The following ZNF407 variants were observed in gnomAD, a reference collection of about 807,000 sequenced individuals.
ZNF407 encodes zinc finger protein 407.
ZNF407 carries 17 observed loss-of-function variants against 131.2 expected under a neutral mutation model. The observed-to-expected ratio is 0.13, with a 90% CI of 0.09 to 0.19. The LOEUF (loss-of-function observed/expected upper bound fraction) is 0.19, where lower values mean the gene tolerates loss of function less well. Ranked by LOEUF, ZNF407 falls within the 10% of genes least tolerant of loss-of-function variation. The pLI is 1.00. For missense variants in ZNF407, 2,681 were observed against 2,830.6 expected, an observed-to-expected ratio of 0.95 and a Z score of 1.20; for synonymous variants, 1,156 against 1,062.0, an observed-to-expected ratio of 1.09 and a Z score of -1.72.
chr18:74,640,983 C>T (rs756659505), intron 2 of ZNF407, 25 bp from the exon 3 acceptor site: 2 of 1,538,214 alleles, frequency 1.3e-6, no homozygotes, highest in East Asian at 2.2e-5. Context: ...AAAATCAAAT[C>T]ATATTTTATG....
intron 8 of ZNF407, among the ~76,000 whole-genome samples, chr18:74,949,115 G>T (rs1972185801): frequency 6.6e-6 from 1 of 152,206 alleles, no homozygotes; most frequent in African/African-American, 2.4e-5. Context: ...AAGAAAATTT[G>T]AGATAGTACA....
At chr18:74,844,533 A>G (rs752628547) in intron 4 of ZNF407, among the ~76,000 whole-genome samples, 15 of 152,330 alleles carry the variant, frequency 9.8e-5, no homozygotes, top group Non-Finnish European at 1.6e-4. Context: ...TTTAAATAGT[A>G]AGTTAAATTA....
intron 8 of ZNF407, among the ~76,000 whole-genome samples, chr18:74,958,586 G>A (rs1046202087): frequency 3.3e-5 from 5 of 152,202 alleles, no homozygotes; most frequent in Non-Finnish European, 5.9e-5. Flanking sequence ...TGGGTTTGAC[G>A]AGGAGTCCGC....
At chr18:74,754,431 T>A (rs895091551) in intron 3 of ZNF407, among the ~76,000 whole-genome samples, 2 of 152,230 alleles carry the variant, frequency 1.3e-5, no homozygotes, top group African/African-American at 4.8e-5. Flanking sequence ...GTTCTTTTAA[T>A]TGTGATGTTA....
intron 3 of ZNF407, among the ~76,000 whole-genome samples, chr18:74,755,728 C>CCTTTCTTT (rs765042437): frequency 0.15 from 9,522 of 63,322 alleles, 1,111 homozygotes; most frequent in Non-Finnish European, 0.17. Flanking sequence ...TTCTTTCTTT[C>CCTTTCTTT]CTTTCTTTCT....
intron 4 of ZNF407, among the ~76,000 whole-genome samples, chr18:74,837,752 A>G (rs145729262): frequency 1.6e-3 from 250 of 152,218 alleles, no homozygotes; most frequent in Middle Eastern, 0.014. Flanking sequence ...TCCTGGGCTC[A>G]AGCAGTCCTC....
intron 3 of ZNF407, among the ~76,000 whole-genome samples, chr18:74,759,385 A>T (rs1969040028): frequency 6.6e-6 from 1 of 152,138 alleles, no homozygotes; most frequent in Admixed American, 6.5e-5. Context: ...AATGTTTTGC[A>T]TCAGATTTGT....
chr18:74,828,336 G>T (rs955435522), intron 4 of ZNF407, among the ~76,000 whole-genome samples: 84 of 152,112 alleles, frequency 5.5e-4, no homozygotes, highest in Non-Finnish European at 1.3e-4. Context: ...AAGAGCAAAG[G>T]CTGCCTTTCA....
At chr18:74,815,739 A>G (rs1970258835) in intron 4 of ZNF407, among the ~76,000 whole-genome samples, 1 of 152,236 alleles carries the variant, frequency 6.6e-6, no homozygotes, top group Non-Finnish European at 1.5e-5. Context: ...GTCTCTGTAC[A>G]GAGGCTGTGT....
chr18:74,755,090 T>G (rs1454764174), intron 3 of ZNF407, among the ~76,000 whole-genome samples: 1 of 152,208 alleles, frequency 6.6e-6, no homozygotes, highest in Non-Finnish European at 1.5e-5. Flanking sequence ...ATTGATCCCT[T>G]TACCATTATG....
intron 3 of ZNF407, among the ~76,000 whole-genome samples, chr18:74,707,225 A>G (rs1277330640): frequency 6.6e-6 from 1 of 152,184 alleles, no homozygotes; most frequent in African/African-American, 2.4e-5. Context: ...TGCTGGGATT[A>G]CAGGAGTGAG....
chr18:74,727,210 C>T (rs960524337), intron 3 of ZNF407, among the ~76,000 whole-genome samples: 1 of 152,006 alleles, frequency 6.6e-6, no homozygotes, highest in African/African-American at 2.4e-5. Flanking sequence ...AGTTTTTAGA[C>T]AGGATGTGTG....
intron 4 of ZNF407, among the ~76,000 whole-genome samples, chr18:74,823,385 C>G (rs543698886): frequency 6.6e-6 from 1 of 152,232 alleles, no homozygotes; most frequent in Admixed American, 6.5e-5. Context: ...TGTAAAAGGG[C>G]TAAATGCCCC....
chr18:74,811,128 G>A, intron 4 of ZNF407, among the ~76,000 whole-genome samples: 1 of 152,060 alleles, frequency 6.6e-6, no homozygotes, highest in East Asian at 1.9e-4. Context: ...CTACTCATCT[G>A]ACAAAGGGCT....
intron 6 of ZNF407, among the ~76,000 whole-genome samples, chr18:74,887,054 A>G (rs373671351): frequency 3.5e-4 from 53 of 152,288 alleles, no homozygotes; most frequent in African/African-American, 1.1e-3. Flanking sequence ...ATTACTATTC[A>G]TTTGTTTAAA....
intron 8 of ZNF407, among the ~76,000 whole-genome samples, chr18:74,979,935 A>G (rs568809228): frequency 1.3e-5 from 2 of 152,132 alleles, no homozygotes; most frequent in African/African-American, 2.4e-5. Context: ...ATTTTGTTCA[A>G]TCATTATTGT....
At chr18:74,828,035 G>C (rs17055701) in intron 4 of ZNF407, among the ~76,000 whole-genome samples, 11,971 of 152,152 alleles carry the variant, frequency 0.079, 610 homozygotes, top group South Asian at 0.17. Context: ...CTACTCAGGT[G>C]CTCCCTTCTC....
At chr18:75,026,307 C>T (rs905254061) in intron 8 of ZNF407, among the ~76,000 whole-genome samples, 1 of 152,174 alleles carries the variant, frequency 6.6e-6, no homozygotes, top group Non-Finnish European at 1.5e-5. Flanking sequence ...GAAAACTTAG[C>T]ATCAACTGGC....
intron 8 of ZNF407, among the ~76,000 whole-genome samples, chr18:75,009,337 C>T (rs901323406): frequency 6.6e-6 from 1 of 152,118 alleles, no homozygotes; most frequent in African/African-American, 2.4e-5. Context: ...CCTATTAATT[C>T]AAAACTGATT....
Sources: gnomAD v4.1 joint callset for allele counts (sites outside exome capture counted in the v4.1 genomes callset) on GRCh38, gnomAD v4.1.1 for gene constraint, MANE v1.5 for transcripts, NCBI Gene and HGNC (gene_info 2026-07-23, HGNC 2026-07-21) for gene names.